The following MLF1 variants were observed in gnomAD, a reference collection of about 807,000 sequenced individuals.
MLF1 encodes myelodysplasia-myeloid leukemia factor 1.
In MLF1, 37 loss-of-function variants were observed where a neutral mutation model predicts 38.3. That is an observed-to-expected ratio of 0.96 (90% CI 0.74 to 1.27). MLF1 has a LOEUF of 1.27. Among genes scored for constraint, MLF1 ranks in the 50% most tolerant of loss-of-function variants. The pLI, the probability that MLF1 is intolerant of heterozygous loss-of-function variation, is 0.00. For missense variants in MLF1, 331 were observed against 349.2 expected (o/e 0.95, Z 0.42); for synonymous variants, 95 against 106.5 (o/e 0.89, Z 0.66).
At chr3:158,593,326 A>G in intron 2 of MLF1, 56 bp from the exon 3 acceptor site, 1 of 1,320,080 alleles carries the variant, frequency 7.6e-7, no homozygotes, top group Non-Finnish European at 1.0e-6. Context: ...TGGTAAATTG[A>G]GAAACTTCTA....
At chr3:158,605,025 C>G in intron 7 of MLF1, 72 bp from the exon 8 acceptor site, 1 of 1,086,396 alleles carries the variant, frequency 9.2e-7, no homozygotes, top group Non-Finnish European at 1.3e-6. Flanking sequence ...TGGTTTTTAA[C>G]ATGTTTGTAT....
intron 1 of MLF1, among the ~76,000 whole-genome samples, chr3:158,580,537 C>T (rs1480275321): frequency 1.3e-5 from 2 of 152,130 alleles, no homozygotes; most frequent in East Asian, 1.9e-4. Flanking sequence ...CTTTATAGTG[C>T]TTGTTGCATA....
chr3:158,603,808 C>T (rs1560114540), intron 7 of MLF1, among the ~76,000 whole-genome samples: 1 of 152,162 alleles, frequency 6.6e-6, no homozygotes, highest in Non-Finnish European at 1.5e-5. Context: ...CACTGCACTA[C>T]AGCCTGAGTG....
chr3:158,584,718 T>A (rs565931167), intron 1 of MLF1, among the ~76,000 whole-genome samples: 7 of 150,282 alleles, frequency 4.7e-5, no homozygotes, highest in African/African-American at 1.7e-4. Context: ...TTTATGTATA[T>A]ACCCCCCCCT....
intron 1 of MLF1, among the ~76,000 whole-genome samples, chr3:158,587,857 C>G (rs1012866943): frequency 6.6e-6 from 1 of 152,134 alleles, no homozygotes; most frequent in African/African-American, 2.4e-5. Context: ...AAAAATTAGC[C>G]GGGCCTGGCG....
intron 1 of MLF1, among the ~76,000 whole-genome samples, chr3:158,585,087 C>T (rs1385468123): frequency 6.6e-6 from 1 of 150,590 alleles, no homozygotes; most frequent in East Asian, 1.9e-4. Flanking sequence ...CTTGCTATAG[C>T]TCAGATGTTT....
At chr3:158,602,775 A>T (rs772361934) in intron 6 of MLF1, 32 bp from the exon 7 acceptor site, 2 of 1,607,674 alleles carry the variant, frequency 1.2e-6, no homozygotes, top group African/African-American at 2.7e-5. Context: ...ATACCTTAAT[A>T]CTTATTCCCA....
At chr3:158,602,966 G>C in intron 7 of MLF1, 27 bp downstream of exon 7, 2 of 1,584,238 alleles carry the variant, frequency 1.3e-6, no homozygotes, top group Non-Finnish European at 1.7e-6. Flanking sequence ...AAATAGTTTG[G>C]TTTTTTAAGA....
chr3:158,593,368 T>C lies in MLF1; in HGVS notation c.196-14T>C. The C allele has an allele frequency of 6.5e-7, 1 of 1,539,464 alleles. No individual in the cohort carries two copies. Among genetic ancestry groups the C allele is most frequent in the Admixed American group, 1.9e-5 (1 of 51,786 alleles). ...AAATGTCATAATCAAATGAATTGGATATTATTTTTCCAGGCAACGAGTTGT... is the reference window on the plus strand; with the variant it reads ...AAATGTCATAATCAAATGAATTGGACATTATTTTTCCAGGCAACGAGTTGT... On this transcript the variant is annotated splice_polypyrimidine_tract_variant and intron_variant, in intron 2 of 7. Transcript: ENST00000466246.
At position 158,598,223 on chromosome 3, in the gene MLF1, A is replaced by G; in HGVS notation, c.453+15A>G. ...CTCCAGGAGGAGTAAGTTTTCTATA[A>G]GCATTCCTAAAGTTTTATAAAGTTA... is the stretch of plus-strand genomic sequence containing the variant. On this transcript the variant is annotated intron_variant, in intron 5 of 7. Coordinates refer to ENST00000466246, the MANE Select transcript of MLF1 (RefSeq NM_001369783.1). 1 of 1,608,194 alleles carries G rather than the reference A, an allele frequency of 6.2e-7. No homozygotes were observed. Among genetic ancestry groups the G allele is most frequent in the South Asian group, 1.1e-5 (1 of 89,822 alleles).
chr3:158,590,341 A>G (rs1717934949), intron 1 of MLF1, among the ~76,000 whole-genome samples: 1 of 152,210 alleles, frequency 6.6e-6, no homozygotes, highest in Non-Finnish European at 1.5e-5. Flanking sequence ...TTTCACCAAG[A>G]ATGCAGTGCA....
chr3:158,601,966 G>A (rs1187410549), intron 6 of MLF1, among the ~76,000 whole-genome samples: 5 of 151,584 alleles, frequency 3.3e-5, no homozygotes, highest in Non-Finnish European at 5.9e-5. Context: ...ACAGGTGCCC[G>A]CCACCATGCC....
At chr3:158,580,766 G>A (rs956268122) in intron 1 of MLF1, among the ~76,000 whole-genome samples, 2 of 149,232 alleles carry the variant, frequency 1.3e-5, no homozygotes, top group Non-Finnish European at 3.0e-5. Context: ...TGAGCAACAT[G>A]GCAAAATCCT....
Position 158,600,098 on chromosome 3 carries a change from C to T in MLF1, c.538C>T (p.His180Tyr), listed in dbSNP as rs942620752. The T allele has an allele frequency of 1.3e-6, 2 of 1,486,380 alleles. No individual in the cohort carries two copies. The highest frequency in any genetic ancestry group is 2.8e-5 in the African/African-American group (2 of 70,676). 92.1% of individuals were successfully genotyped at this position (1,486,380 alleles called of 1,614,324 possible). A position where few individuals can be genotyped will look rare whatever the true frequency, so the allele number is the denominator to read the frequency against. The change falls in exon 6 of 8, where the codon CAT (histidine) becomes TAT (tyrosine). Residue 180 changes from histidine (H) to tyrosine (Y), a missense_variant. Transcript: ENST00000466246. ...TGGTCATCATATCCATGACCGAGCT[C>T]ATGTCATTAAAAAGTCAAAGAACAA... The part of the protein sequence containing the change: ...AIGHHIHDRA[H>Y]VIKKSKNKKT...
chr3:158,574,906 C>T (rs1214794327), intron 1 of MLF1, among the ~76,000 whole-genome samples: 4 of 152,020 alleles, frequency 2.6e-5, no homozygotes, highest in Non-Finnish European at 5.9e-5. Flanking sequence ...TGTATTATAT[C>T]CTTGATTATA....
chr3:158,585,055 A>G (rs1464311727), intron 1 of MLF1, among the ~76,000 whole-genome samples: 1 of 132,484 alleles, frequency 7.5e-6, no homozygotes, highest in Non-Finnish European at 1.6e-5. Flanking sequence ...AAAAAAAAAA[A>G]GAAAAAGAAA....
At chr3:158,575,134 A>T (rs1715236103) in intron 1 of MLF1, among the ~76,000 whole-genome samples, 1 of 152,196 alleles carries the variant, frequency 6.6e-6, no homozygotes, top group Non-Finnish European at 1.5e-5. Flanking sequence ...GCTTAGGGTG[A>T]AAAGGACCAT....
chr3:158,586,573 A>G (rs1717290472), intron 1 of MLF1, among the ~76,000 whole-genome samples: 1 of 152,242 alleles, frequency 6.6e-6, no homozygotes. Flanking sequence ...GAAGTAAACC[A>G]TCATCAACTT....
chr3:158,593,750 T>C (rs574673727), intron 3 of MLF1, among the ~76,000 whole-genome samples: 2 of 152,364 alleles, frequency 1.3e-5, no homozygotes, highest in African/African-American at 2.4e-5. Context: ...TTATGATTAC[T>C]TTCCAAAAGG....
Sources: allele counts gnomAD v4.1 joint callset (sites outside exome capture counted in the v4.1 genomes callset), GRCh38; gene constraint gnomAD v4.1.1; transcripts MANE v1.5; gene names NCBI Gene and HGNC (gene_info 2026-07-23, HGNC 2026-07-21).